The following PHYH variants were observed in gnomAD, a reference collection of about 807,000 sequenced individuals.
PHYH encodes the protein phytanoyl-CoA dioxygenase, peroxisomal.
PHYH carries 32 observed loss-of-function variants against 38.5 expected under a neutral mutation model. That is an observed-to-expected ratio of 0.83 (90% CI 0.63 to 1.12). The LOEUF is 1.12. PHYH is among the 50% of genes most tolerant of loss of function. The pLI, the probability that PHYH is intolerant of heterozygous loss-of-function variation, is 0.00. For synonymous variants in PHYH, 166 were observed against 157.9 expected, an observed-to-expected ratio of 1.05 and a Z score of -0.38; for missense variants, 426 against 434.8, an observed-to-expected ratio of 0.98 and a Z score of 0.18.
chr10:13,278,247 G>T lies in PHYH; in HGVS notation c.*54C>A. ...TCTCATTAAGAAAACATTTTCCTTA[G>T]ACATTTCGTTTGGTTTTGGTTTTCT... On this transcript the variant is annotated 3_prime_UTR_variant, in exon 9 of 9. Transcript: ENST00000263038. The T allele has an allele frequency of 8.6e-7, 1 of 1,168,622 alleles. No individual in the cohort carries two copies. The highest frequency in any genetic ancestry group is 1.2e-5 in the South Asian group (1 of 82,024). The allele number at this position is 1,168,622 out of a possible 1,614,324, so 72.4% of individuals were successfully genotyped here.
intron 6 of PHYH, among the ~76,000 whole-genome samples, chr10:13,284,252 G>A (rs749514305): frequency 3.9e-5 from 6 of 152,060 alleles, no homozygotes; most frequent in Non-Finnish European, 8.8e-5. Flanking sequence ...GAGCCGGGAG[G>A]GGGAGGTTCC....
At chr10:13,284,444 C>T (rs1322763864) in intron 6 of PHYH, among the ~76,000 whole-genome samples, 2 of 152,172 alleles carry the variant, frequency 1.3e-5, no homozygotes, top group Non-Finnish European at 2.9e-5. Context: ...ACATGAAGAT[C>T]TAGCTTAGCT....
chr10:13,279,710 C>T (rs1298140391), intron 8 of PHYH, among the ~76,000 whole-genome samples: 1 of 152,170 alleles, frequency 6.6e-6, no homozygotes, highest in Non-Finnish European at 1.5e-5. Context: ...CTAAATATAA[C>T]TTACAGAGTA....
rs530075160 is a variant in PHYH, at chr10:13,298,363, T to C, written c.76-118A>G. 39 of 663,836 alleles carry C rather than the reference T, an allele frequency of 5.9e-5. No homozygotes were observed. In the African/African-American group the frequency reaches 6.0e-4, roughly 10 times the overall value. The allele number at this position is 663,836 out of a possible 1,614,324, so 41.1% of individuals were successfully genotyped here. ...AGGAGGATTACTTGAGCTCAGGAGT[T>C]CGAGACCAGCCTGGCCAACATGGTG... is the stretch of plus-strand genomic sequence containing the variant. On this transcript the variant is annotated intron_variant, in intron 1 of 8. Transcript: ENST00000263038.
At chr10:13,299,727 G>C (rs1564431697) in intron 1 of PHYH, 1 of 1,305,278 alleles carries the variant, frequency 7.7e-7, no homozygotes, top group Non-Finnish European at 9.7e-7. Context: ...CCGGAGGGCA[G>C]GGCAACGCGG....
chr10:13,288,258 A>G (rs1835603442), intron 6 of PHYH, 102 bp downstream of exon 6: 1 of 1,047,138 alleles, frequency 9.5e-7, no homozygotes, highest in Non-Finnish European at 1.5e-6. Context: ...TTTTGCTCAG[A>G]AAGGAAATGC....
rs2255454 is a variant in PHYH at position 13,284,101 on chromosome 10, T to C, written c.679-262A>G. ...TCTTTGGGAGGCCAAGTTGGGAGAA[T>C]TGCTTATGCTCAGGAGTTTGAGATC... On this transcript the variant is annotated intron_variant, in intron 6 of 8. Coordinates refer to ENST00000263038, the MANE Select transcript of PHYH (RefSeq NM_006214.4). 0.32 allele frequency among the ~76,000 whole-genome samples: 49,071 copies of C among 151,996 alleles called. 8,022 individuals are homozygous for C. The highest frequency in any genetic ancestry group is 0.42 in the South Asian group (2,029 of 4,820).
chr10:13,297,446 ATTTGTTTTGT>A lies in PHYH; in HGVS notation c.134+731_134+740del, dbSNP rs771365374. ...TGTCCATATAACCAAATACAAGCTA[ATTTGTTTTGT>A]TTTGTTTTGTTTTTTGAGATGGAGT... On this transcript the variant is annotated intron_variant, in intron 2 of 8. Coordinates refer to ENST00000263038, the MANE Select transcript of PHYH (RefSeq NM_006214.4). 5.3e-5 allele frequency among the ~76,000 whole-genome samples: 8 copies of A among 151,984 alleles called. No individual in the cohort carries two copies. In the East Asian group the frequency reaches 1.5e-3, roughly 29 times the overall value.
At chr10:13,291,030 G>T (rs922226401) in intron 5 of PHYH, among the ~76,000 whole-genome samples, 1 of 150,756 alleles carries the variant, frequency 6.6e-6, no homozygotes. Flanking sequence ...TTTGAACCTG[G>T]GAGGTGGGGG....
intron 4 of PHYH, among the ~76,000 whole-genome samples, 153 bp downstream of exon 4, chr10:13,294,275 G>C (rs1835783046): frequency 6.6e-6 from 1 of 152,142 alleles, no homozygotes; most frequent in South Asian, 2.1e-4. Flanking sequence ...TCTAAGAGCA[G>C]TGGTTCCTGG....
Position 13,281,065 on chromosome 10 carries a change from C to T in PHYH, c.874G>A (p.Val292Met), listed in dbSNP as rs1310532591. The change falls in exon 8 of 9, where the codon GTG becomes ATG. Residue 292 changes from valine (V) to methionine (M), a missense_variant. Coordinates refer to ENST00000263038, the MANE Select transcript of PHYH (RefSeq NM_006214.4). ...ATGTTTTCTTGACTGGTGCCCTTCA[C>T]GTCAATGTAGTGGCAATCGGCACTG... is the stretch of plus-strand genomic sequence containing the variant. ...FASADCHYID[V>M]KGTSQENIEK... is the part of the protein sequence containing the mutation. The T allele has an allele frequency of 4.3e-6, 7 of 1,613,810 alleles. No homozygotes were observed. The highest frequency in any genetic ancestry group is 1.7e-5 in the Admixed American group (1 of 59,988).
intron 2 of PHYH, among the ~76,000 whole-genome samples, chr10:13,297,008 G>A (rs1194811253): frequency 1.3e-5 from 2 of 151,120 alleles, no homozygotes; most frequent in African/African-American, 4.9e-5. Context: ...TATGGACAAT[G>A]CTTATTATAA....
chr10:13,281,152 A>T (rs1328598997), intron 7 of PHYH, 42 bp from the exon 8 acceptor site: 1 of 1,606,778 alleles, frequency 6.2e-7, no homozygotes, highest in Non-Finnish European at 8.5e-7. Context: ...AAAACATCCC[A>T]TGAATACCAG....
At chr10:13,299,446 T>C (rs1437725794) in intron 1 of PHYH, 5 of 1,001,264 alleles carry the variant, frequency 5.0e-6, no homozygotes. Context: ...AATAGTGTCT[T>C]TATATAACTC....
intron 3 of PHYH, 85 bp from the exon 4 acceptor site, chr10:13,294,681 T>A (rs1234790612): frequency 8.4e-7 from 1 of 1,190,502 alleles, no homozygotes; most frequent in Non-Finnish European, 1.2e-6. Context: ...GGTTGCAGAC[T>A]TGAGGGGTGG....
Position 13,277,884 on chromosome 10 carries a change from T to C in PHYH, c.*417A>G, listed in dbSNP as rs1302015884. The C allele has an allele frequency of 2.7e-5, 8 of 298,636 alleles. No homozygotes were observed. Among genetic ancestry groups the C allele is most frequent in the Admixed American group, 9.7e-5 (2 of 20,700 alleles). 18.5% of individuals were successfully genotyped at this position (298,636 alleles called of 1,614,324 possible). A position where few individuals can be genotyped will look rare whatever the true frequency, so the allele number is the denominator to read the frequency against. On this transcript the variant is annotated 3_prime_UTR_variant, in exon 9 of 9. Coordinates refer to ENST00000263038, the MANE Select transcript of PHYH (RefSeq NM_006214.4). ...GATGTGAATGTATTATACATTGTTC[T>C]AGATTTGGGGGAAAAAAATCTCTTA...
intron 8 of PHYH, among the ~76,000 whole-genome samples, 193 bp from the exon 9 acceptor site, chr10:13,278,547 A>G (rs564639942): frequency 6.6e-6 from 1 of 152,246 alleles, no homozygotes; most frequent in South Asian, 2.1e-4. Context: ...CTCTTTTTTA[A>G]AAATTTTTTG....
At chr10:13,296,386 G>T (rs1248533613) in intron 2 of PHYH, among the ~76,000 whole-genome samples, 1 of 151,088 alleles carries the variant, frequency 6.6e-6, no homozygotes, top group Non-Finnish European at 1.5e-5. Flanking sequence ...AGACCAGCCT[G>T]ACTCACATGA....
intron 6 of PHYH, 116 bp from the exon 7 acceptor site, chr10:13,283,955 G>A: frequency 1.1e-6 from 1 of 920,568 alleles, no homozygotes; most frequent in East Asian, 2.4e-5. Context: ...TCTCTCCCAA[G>A]AGAAATAAAT....
Sources: allele counts gnomAD v4.1 joint callset (sites outside exome capture counted in the v4.1 genomes callset), GRCh38; gene constraint gnomAD v4.1.1; transcripts MANE v1.5; gene names NCBI Gene and HGNC (gene_info 2026-07-23, HGNC 2026-07-21).